Variants in HPSE2 observed in about 807,000 individuals in gnomAD.
HPSE2 encodes inactive heparanase-2.
HPSE2 carries 38 observed loss-of-function variants against 60.5 expected under a neutral mutation model. That is an observed-to-expected ratio of 0.63 (90% CI 0.48 to 0.82). HPSE2 has a LOEUF of 0.82. Ranked by LOEUF, HPSE2 falls within the 40% of genes least tolerant of loss-of-function variation. HPSE2 has a pLI of 0.00. For missense variants in HPSE2, 713 were observed against 740.4 expected (o/e 0.96, Z 0.43); for synonymous variants, 295 against 293.2 (o/e 1.01, Z -0.06).
At chr10:98,577,744 C>G (rs1305461087) in intron 9 of HPSE2, among the ~76,000 whole-genome samples, 1 of 152,160 alleles carries the variant, frequency 6.6e-6, no homozygotes, top group Non-Finnish European at 1.5e-5. Context: ...ACTATCACTA[C>G]CTAAGACTCA....
chr10:98,714,695 T>C (rs1948750836), intron 5 of HPSE2, among the ~76,000 whole-genome samples: 1 of 151,900 alleles, frequency 6.6e-6, no homozygotes, highest in Non-Finnish European at 1.5e-5. Flanking sequence ...TATGTTTTTA[T>C]TTCTCTTAGG....
At chr10:98,877,739 A>AT in intron 3 of HPSE2, among the ~76,000 whole-genome samples, 1 of 151,862 alleles carries the variant, frequency 6.6e-6, no homozygotes, top group Non-Finnish European at 1.5e-5. Flanking sequence ...TAACATACCA[A>AT]TTTTTTGTAG....
chr10:98,903,066 G>A (rs1019838809), intron 3 of HPSE2, among the ~76,000 whole-genome samples: 2 of 152,112 alleles, frequency 1.3e-5, no homozygotes, highest in Admixed American at 1.3e-4. Flanking sequence ...ATGTGATATA[G>A]TCATACAATG....
chr10:99,218,442 C>T (rs1262851526), intron 2 of HPSE2, among the ~76,000 whole-genome samples: 4 of 152,120 alleles, frequency 2.6e-5, no homozygotes, highest in East Asian at 3.9e-4. Context: ...CATGTGTCCT[C>T]GACTCTCTTT....
the HPSE2 span, among the ~76,000 whole-genome samples, chr10:99,262,080 G>A: frequency 7.4e-3 from 1,122 of 152,256 alleles, 12 homozygotes; most frequent in Non-Finnish European, 0.012. Flanking sequence ...CTGCCCGATC[G>A]CCTCGGAAGC....
intron 5 of HPSE2, among the ~76,000 whole-genome samples, chr10:98,705,370 C>T (rs144801005): frequency 0.011 from 1,644 of 152,222 alleles, 14 homozygotes; most frequent in Non-Finnish European, 0.018. Flanking sequence ...GATCTAGAAC[C>T]AGAAATACCA....
At chr10:98,627,513 A>C (rs1369888850) in intron 7 of HPSE2, among the ~76,000 whole-genome samples, 2 of 152,192 alleles carry the variant, frequency 1.3e-5, no homozygotes, top group Non-Finnish European at 2.9e-5. Context: ...ACAATCTAAA[A>C]TTGAGGAACA....
chr10:99,066,155 C>A (rs111508145), intron 3 of HPSE2, among the ~76,000 whole-genome samples: 32 of 152,286 alleles, frequency 2.1e-4, no homozygotes, highest in Admixed American at 6.5e-4. Flanking sequence ...ACCCCAATAT[C>A]CAAACAGAAC....
chr10:99,292,091 G>A, the HPSE2 span, among the ~76,000 whole-genome samples: 2 of 152,298 alleles, frequency 1.3e-5, no homozygotes, highest in Admixed American at 1.3e-4. Context: ...ATAAATAAAA[G>A]GTTGTAAGGG....
At chr10:98,460,769 G>A (rs2133574787) in intron 11 of HPSE2, among the ~76,000 whole-genome samples, 1 of 152,228 alleles carries the variant, frequency 6.6e-6, no homozygotes, top group South Asian at 2.1e-4. Flanking sequence ...CTGAGAAGGG[G>A]GACTACATAC....
intron 3 of HPSE2, among the ~76,000 whole-genome samples, chr10:99,028,104 C>A (rs531890038): frequency 4.6e-5 from 7 of 152,218 alleles, no homozygotes; most frequent in Non-Finnish European, 8.8e-5. Context: ...ACAATGATAA[C>A]CACTGTCACC....
In HPSE2 at chr10:98,934,753, C is replaced by T. The variant is rs1229804103; in HGVS notation, c.611-190697G>A. On this transcript the variant is annotated intron_variant, in intron 3 of 11. Coordinates refer to ENST00000370552, the MANE Select transcript of HPSE2 (RefSeq NM_021828.5). ...CCTTGGAGAATCTGATGATTATGTG[C>T]CTTGGGGCAGATCTTTTTGTGGAGT... 4.2e-5 allele frequency among the ~76,000 whole-genome samples: 6 copies of T among 143,266 alleles called. 2 individuals carry two copies. Among genetic ancestry groups the T allele is most frequent in the African/African-American group, 8.6e-5 (3 of 34,990 alleles). 94.0% of individuals were successfully genotyped at this position (143,266 alleles called of 152,430 possible). A position where few individuals can be genotyped will look rare whatever the true frequency, so the allele number is the denominator to read the frequency against.
At chr10:98,713,157 GAA>G (rs1414347618) in intron 5 of HPSE2, among the ~76,000 whole-genome samples, 3 of 151,956 alleles carry the variant, frequency 2.0e-5, no homozygotes, top group Admixed American at 1.3e-4. Context: ...AGTGAGGTAA[GAA>G]AAAGAGAATG....
chr10:99,042,600 A>G (rs1957765358), intron 3 of HPSE2, among the ~76,000 whole-genome samples: 1 of 152,016 alleles, frequency 6.6e-6, no homozygotes, highest in Admixed American at 6.5e-5. Flanking sequence ...AGCACAAAAA[A>G]GGGTGAGTCT....
At chr10:99,033,913 G>A (rs527834526) in intron 3 of HPSE2, among the ~76,000 whole-genome samples, 40 of 152,280 alleles carry the variant, frequency 2.6e-4, no homozygotes, top group Admixed American at 7.2e-4. Context: ...AAACAGTGTG[G>A]CAGTTTCCTA....
At chr10:98,672,432 T>C (rs1306220197) in intron 6 of HPSE2, among the ~76,000 whole-genome samples, 1 of 152,208 alleles carries the variant, frequency 6.6e-6, no homozygotes, top group Non-Finnish European at 1.5e-5. Flanking sequence ...TTGTTTATGT[T>C]TGCTTTTATG....
At chr10:98,989,936 G>T (rs1162440979) in intron 3 of HPSE2, among the ~76,000 whole-genome samples, 1 of 152,156 alleles carries the variant, frequency 6.6e-6, no homozygotes, top group Non-Finnish European at 1.5e-5. Context: ...GCTCCCTAGT[G>T]ATGTTTGTTT....
the HPSE2 span, among the ~76,000 whole-genome samples, chr10:99,257,872 A>G: frequency 6.6e-6 from 1 of 152,014 alleles, no homozygotes; most frequent in African/African-American, 2.4e-5. Context: ...AAATTTCTCT[A>G]TTTTGTACTC....
chr10:99,094,364 CTTCT>C (rs1843624676), intron 3 of HPSE2, among the ~76,000 whole-genome samples: 1 of 150,988 alleles, frequency 6.6e-6, no homozygotes, highest in South Asian at 2.1e-4. Flanking sequence ...AAAGGTTTAT[CTTCT>C]TTATTTCAAA....
Sources: allele counts gnomAD v4.1 joint callset (sites outside exome capture counted in the v4.1 genomes callset), GRCh38; gene constraint gnomAD v4.1.1; transcripts MANE v1.5; gene names NCBI Gene and HGNC (gene_info 2026-07-23, HGNC 2026-07-21).